PIGK: variants seen among roughly 807,000 people sequenced by gnomAD.
The protein encoded by PIGK is phosphatidylinositol glycan anchor biosynthesis class K.
A neutral mutation model predicts 50.6 loss-of-function variants in PIGK; 42 were observed. The ratio of observed to expected loss-of-function variants is 0.83; its 90% CI spans 0.65 to 1.07. PIGK has a LOEUF of 1.07. Ranked by LOEUF, PIGK falls within the 50% of genes least tolerant of loss-of-function variation. PIGK has a pLI of 0.00. For synonymous variants in PIGK, 151 were observed against 156.0 expected (o/e 0.97, Z 0.24); for missense variants, 448 against 488.7 (o/e 0.92, Z 0.78).
intron 6 of PIGK, among the ~76,000 whole-genome samples, chr1:77,162,806 T>C (rs1655158327): frequency 1.3e-5 from 2 of 152,066 alleles, no homozygotes; most frequent in South Asian, 4.1e-4. Flanking sequence ...TGTGGCAAAA[T>C]ATGTGGAGGC....
intron 10 of PIGK, among the ~76,000 whole-genome samples, chr1:77,093,596 G>A (rs1250453956): frequency 6.6e-6 from 1 of 152,090 alleles, no homozygotes; most frequent in African/African-American, 2.4e-5. Context: ...TAATTCTAGA[G>A]TTTTCAGAGC....
chr1:77,160,298 A>T (rs1273301728), intron 8 of PIGK, among the ~76,000 whole-genome samples: 1 of 152,192 alleles, frequency 6.6e-6, no homozygotes, highest in Non-Finnish European at 1.5e-5. Context: ...TAAATTACCC[A>T]GGCCCAGGTA....
intron 10 of PIGK, among the ~76,000 whole-genome samples, chr1:77,095,299 C>G (rs1653384182): frequency 6.6e-6 from 1 of 152,124 alleles, no homozygotes; most frequent in Non-Finnish European, 1.5e-5. Flanking sequence ...TTCCCAGAAA[C>G]AAGGATTAGA....
intron 10 of PIGK, among the ~76,000 whole-genome samples, chr1:77,116,000 G>T (rs1417634342): frequency 3.3e-5 from 5 of 152,120 alleles, no homozygotes; most frequent in Non-Finnish European, 7.4e-5. Flanking sequence ...GAAAACAATA[G>T]ATATTTCTCC....
At chr1:77,195,204 G>C in intron 3 of PIGK, 2 of 1,198,562 alleles carry the variant, frequency 1.7e-6, no homozygotes, top group Non-Finnish European at 2.5e-6. Flanking sequence ...TGGGCGATGA[G>C]AAAGGTGCTG....
intron 10 of PIGK, among the ~76,000 whole-genome samples, chr1:77,116,096 C>A (rs377617124): frequency 6.6e-6 from 1 of 152,020 alleles, no homozygotes; most frequent in Non-Finnish European, 1.5e-5. Flanking sequence ...TTTGTTTACA[C>A]GGAGCCTCTG....
intron 3 of PIGK, among the ~76,000 whole-genome samples, chr1:77,172,191 A>T (rs1655379556): frequency 6.6e-6 from 1 of 151,462 alleles, no homozygotes. Context: ...AACCTAACTT[A>T]ATAGGTAGAC....
At chr1:77,160,335 C>A (rs1407959987) in intron 8 of PIGK, among the ~76,000 whole-genome samples, 1 of 152,100 alleles carries the variant, frequency 6.6e-6, no homozygotes, top group African/African-American at 2.4e-5. Context: ...TGAAAATGAA[C>A]TAATACAGTA....
At chr1:77,123,875 T>C (rs2100529477) in intron 9 of PIGK, among the ~76,000 whole-genome samples, 1 of 152,194 alleles carries the variant, frequency 6.6e-6, no homozygotes, top group Middle Eastern at 3.4e-3. Context: ...ACCAGTACCT[T>C]AGAACGTGAC....
At chr1:77,209,169 C>A (rs915053556) in intron 2 of PIGK, among the ~76,000 whole-genome samples, 1 of 152,094 alleles carries the variant, frequency 6.6e-6, no homozygotes, top group Non-Finnish European at 1.5e-5. Flanking sequence ...CCAGTCCAAT[C>A]CTTGTACATG....
intron 8 of PIGK, among the ~76,000 whole-genome samples, chr1:77,155,823 G>A (rs1654996516): frequency 6.6e-6 from 1 of 152,134 alleles, no homozygotes; most frequent in South Asian, 2.1e-4. Context: ...CAATATGAAG[G>A]CAGAAAGGTG....
At chr1:77,173,323 G>A (rs114467323) in intron 3 of PIGK, among the ~76,000 whole-genome samples, 88 of 151,756 alleles carry the variant, frequency 5.8e-4, no homozygotes, top group African/African-American at 2.0e-3. Flanking sequence ...TTTATTTAAA[G>A]CACACATATT....
At chr1:77,155,405 C>T (rs901700977) in intron 8 of PIGK, among the ~76,000 whole-genome samples, 1 of 152,130 alleles carries the variant, frequency 6.6e-6, no homozygotes, top group Non-Finnish European at 1.5e-5. Flanking sequence ...GTGTCTATTA[C>T]ATAGAATTCA....
chr1:77,132,955 A>C (rs187222598), intron 9 of PIGK, among the ~76,000 whole-genome samples: 2 of 151,956 alleles, frequency 1.3e-5, no homozygotes, highest in African/African-American at 4.8e-5. Context: ...TTTGTTCTCT[A>C]TGTTTTTTCA....
At chr1:77,161,455 A>G in intron 7 of PIGK, 50 bp from the exon 8 acceptor site, 1 of 1,155,690 alleles carries the variant, frequency 8.7e-7, no homozygotes. Context: ...TTATAACAAA[A>G]TGTTTTAAAT....
intron 10 of PIGK, among the ~76,000 whole-genome samples, chr1:77,094,315 T>C (rs1189886612): frequency 6.6e-6 from 1 of 152,126 alleles, no homozygotes; most frequent in Non-Finnish European, 1.5e-5. Context: ...ATATGGCATT[T>C]AAAAACACTC....
intron 10 of PIGK, among the ~76,000 whole-genome samples, chr1:77,113,907 C>T (rs966835016): frequency 6.6e-6 from 1 of 152,100 alleles, no homozygotes; most frequent in African/African-American, 2.4e-5. Context: ...CATATCTCTA[C>T]ATGTCTTAAA....
intron 3 of PIGK, among the ~76,000 whole-genome samples, chr1:77,180,398 G>A (rs1308647617): frequency 6.6e-6 from 1 of 152,018 alleles, no homozygotes; most frequent in South Asian, 2.1e-4. Context: ...AAAAATGGGA[G>A]GGCACATACA....
intron 1 of PIGK, among the ~76,000 whole-genome samples, chr1:77,218,865 T>G (rs1431781887): frequency 6.6e-6 from 1 of 151,764 alleles, no homozygotes; most frequent in Non-Finnish European, 1.5e-5. Context: ...AACTTGAGAG[T>G]TTTAATAAAC....
Sources: gnomAD v4.1 joint callset for allele counts (sites outside exome capture counted in the v4.1 genomes callset) on GRCh38, gnomAD v4.1.1 for gene constraint, MANE v1.5 for transcripts, NCBI Gene and HGNC (gene_info 2026-07-23, HGNC 2026-07-21) for gene names.